RICTOR: variants seen among roughly 807,000 people sequenced by gnomAD.
RICTOR encodes rapamycin-insensitive companion of mTOR.
Under a neutral mutation model 214.9 loss-of-function variants are expected in RICTOR, and 49 were observed. The ratio of observed to expected loss-of-function variants is 0.23; its 90% confidence interval spans 0.18 to 0.29. The LOEUF (loss-of-function observed/expected upper bound fraction) is 0.29. Among genes scored for constraint, RICTOR ranks in the 10% least tolerant of loss-of-function variants. The pLI, the probability that RICTOR is intolerant of heterozygous loss-of-function variation, is 1.00. For synonymous variants in RICTOR, 717 were observed against 711.3 expected (o/e 1.01, Z -0.13); for missense variants, 1,625 against 2,047.0 (o/e 0.79, Z 3.98).
rs4613747 is a variant in RICTOR, at chr5:38,963,155, A to T, written c.1401-114T>A. On this transcript the variant is annotated intron_variant, in intron 16 of 37. Coordinates refer to ENST00000357387, the MANE Select transcript of RICTOR (RefSeq NM_152756.5). ...ATCAAGGCTAGAAATTATTATTGAT[A>T]AAGTAAATTATTTCATCAAATTTGG... 8.3e-5 allele frequency: 55 copies of T among 661,402 alleles called. No individual in the cohort carries two copies. The African/African-American group carries it at 9.6e-4, about 12-fold the overall frequency. 41.0% of individuals were successfully genotyped at this position (661,402 alleles called of 1,614,324 possible).
intron 3 of RICTOR, among the ~76,000 whole-genome samples, chr5:39,014,491 T>C (rs1341311079): frequency 6.6e-6 from 1 of 152,116 alleles, no homozygotes; most frequent in African/African-American, 2.4e-5. Context: ...TTTTTTTTAC[T>C]CAGCTTATAA....
chr5:39,064,116 C>T (rs73749408), intron 2 of RICTOR, among the ~76,000 whole-genome samples: 163 of 152,210 alleles, frequency 1.1e-3, no homozygotes, highest in African/African-American at 3.8e-3. Flanking sequence ...GAATGTTATA[C>T]GTATTAACTA....
In RICTOR at chr5:38,996,854, C is replaced by T. The variant is rs199955050; in HGVS notation, c.421G>A (p.Val141Ile). 4.3e-6 allele frequency: 7 copies of T among 1,611,402 alleles called. No individual in the cohort carries two copies. The highest frequency in any genetic ancestry group is 5.9e-6 in the Non-Finnish European group (7 of 1,177,852). Residue 141 changes from valine to isoleucine, a missense_variant, in exon 6 of 38, where the codon GTA becomes ATA. Transcript: ENST00000357387. ...AATCGAAGTGCTTGTGTCCTCTCTA[C>T]CTCGTTGCTCTGTTGTATGTCAATG... Reference protein sequence around the residue: ...RCIDIQQSNEVERTQALRLVR... With the variant: ...RCIDIQQSNEIERTQALRLVR...
chr5:38,976,793 C>A (rs987834428), intron 9 of RICTOR, among the ~76,000 whole-genome samples: 2 of 152,196 alleles, frequency 1.3e-5, no homozygotes, highest in African/African-American at 4.8e-5. Context: ...AGGAAAGATT[C>A]TGATGGAATA....
chr5:38,991,649 AAAGCAGAGT>A (rs1191251775), intron 6 of RICTOR, among the ~76,000 whole-genome samples: 1 of 152,126 alleles, frequency 6.6e-6, no homozygotes. Flanking sequence ...GCTATACCAG[AAAGCAGAGT>A]TCATAATCCA....
intron 2 of RICTOR, among the ~76,000 whole-genome samples, chr5:39,063,472 C>T (rs983636458): frequency 6.6e-6 from 1 of 152,124 alleles, no homozygotes; most frequent in African/African-American, 2.4e-5. Context: ...AGAGCTCTAC[C>T]TATTTGAATT....
At chr5:39,047,530 A>AT (rs1378487108) in intron 2 of RICTOR, among the ~76,000 whole-genome samples, 2 of 152,134 alleles carry the variant, frequency 1.3e-5, no homozygotes, top group African/African-American at 4.8e-5. Context: ...TAGTTCATGT[A>AT]TTTTACTAAC....
At chr5:39,004,708 C>G (rs61094200) in intron 3 of RICTOR, among the ~76,000 whole-genome samples, 160 of 151,174 alleles carry the variant, frequency 1.1e-3, no homozygotes, top group African/African-American at 3.7e-3. Flanking sequence ...GATCCACGAT[C>G]TGCCTGCCTA....
chr5:38,989,211 C>T (rs550036078), intron 7 of RICTOR, among the ~76,000 whole-genome samples: 1 of 152,208 alleles, frequency 6.6e-6, no homozygotes, highest in African/African-American at 2.4e-5. Flanking sequence ...TAACATCATA[C>T]ATCTACAACC....
rs746554833 is a variant in RICTOR, at chr5:38,975,607, G to A, written c.822-3C>T. 1.2e-6 allele frequency: 2 copies of A among 1,612,880 alleles called. No homozygotes were observed. The highest frequency in any genetic ancestry group is 2.2e-5 in the East Asian group (1 of 44,840). On this transcript the variant is annotated splice_polypyrimidine_tract_variant and splice_region_variant and intron_variant, in intron 9 of 37. Coordinates refer to ENST00000357387, the MANE Select transcript of RICTOR (RefSeq NM_152756.5). Reference sequence around the variant, plus strand: ...GAAATCGTGCTTCTCTGTCTTCTCTGTTGGGGGTGGGGAGGCAGCGGGGAG... The same window carrying A: ...GAAATCGTGCTTCTCTGTCTTCTCTATTGGGGGTGGGGAGGCAGCGGGGAG...
At chr5:38,990,868 T>TATATGATAG (rs1752722518) in intron 7 of RICTOR, 81 bp downstream of exon 7, 3 of 741,326 alleles carry the variant, frequency 4.0e-6, no homozygotes, top group African/African-American at 1.8e-5. Flanking sequence ...ATATGATAGA[T>TATATGATAG]ATATGATAGA....
At chr5:39,025,144 TC>T (rs1354579079) in intron 2 of RICTOR, among the ~76,000 whole-genome samples, 1 of 152,102 alleles carries the variant, frequency 6.6e-6, no homozygotes, top group African/African-American at 2.4e-5. Flanking sequence ...TCTCCCTCCT[TC>T]TCCTCCTCAA....
intron 23 of RICTOR, 21 bp from the exon 24 acceptor site, chr5:38,958,540 T>C: frequency 6.3e-7 from 1 of 1,590,496 alleles, no homozygotes; most frequent in Non-Finnish European, 8.6e-7. Flanking sequence ...TTATCATTAT[T>C]TTTTTATAAT....
Position 38,939,839 on chromosome 5 carries a change from T to C in RICTOR, c.*2465A>G. ...TCAATTATTTCTATTACTGCTGATA[T>C]CATTCCTAACCTCTTCTGCTATAAT... On this transcript the variant is annotated 3_prime_UTR_variant, in exon 38 of 38. Coordinates refer to ENST00000357387, the MANE Select transcript of RICTOR (RefSeq NM_152756.5). The C allele has an allele frequency of 8.9e-6, 2 of 224,172 alleles. No homozygotes were observed. Among genetic ancestry groups the C allele is most frequent in the Non-Finnish European group, 1.8e-5 (2 of 112,344 alleles). The allele number at this position is 224,172 out of a possible 1,614,324, so 13.9% of individuals were successfully genotyped here.
intron 27 of RICTOR, 176 bp downstream of exon 27, chr5:38,954,598 G>A (rs1267961276): frequency 1.9e-6 from 1 of 531,844 alleles, no homozygotes; most frequent in Non-Finnish European, 3.4e-6. Flanking sequence ...ATATTTCTCA[G>A]GTTAATAAAT....
chr5:38,954,440 G>C (rs958130973), intron 27 of RICTOR, among the ~76,000 whole-genome samples: 18 of 151,608 alleles, frequency 1.2e-4, no homozygotes, highest in Non-Finnish European at 1.9e-4. Flanking sequence ...AGAAAAACTC[G>C]GTTTTTCAGT....
rs1268922543 is a variant in RICTOR at position 38,969,446 on chromosome 5, A to C, written c.973-1416T>G. ...AAAGTTTAAAAAATTTGAAAATTAT[A>C]AACTAAAAAGGTTACAGTAAGCTAA... On this transcript the variant is annotated intron_variant, in intron 11 of 37. Transcript: ENST00000357387. Among the ~76,000 whole-genome samples, 3 of 152,214 alleles carry C rather than the reference A, an allele frequency of 2.0e-5. No homozygotes were observed. The East Asian group carries it at 5.8e-4, about 29-fold the overall frequency.
intron 7 of RICTOR, 76 bp downstream of exon 7, chr5:38,990,873 G>T: frequency 2.5e-6 from 2 of 790,154 alleles, no homozygotes; most frequent in East Asian, 3.0e-5. Flanking sequence ...ATAGATATAT[G>T]ATAGATATAT....
intron 2 of RICTOR, among the ~76,000 whole-genome samples, chr5:39,028,132 T>A (rs1033540429): frequency 1.3e-5 from 2 of 149,768 alleles, no homozygotes; most frequent in African/African-American, 4.9e-5. Context: ...TCAAGAAGAA[T>A]GACAACATCA....
Sources: gnomAD v4.1 joint callset for allele counts (sites outside exome capture counted in the v4.1 genomes callset) on GRCh38, gnomAD v4.1.1 for gene constraint, MANE v1.5 for transcripts, NCBI Gene and HGNC (gene_info 2026-07-23, HGNC 2026-07-21) for gene names.